RAB2B: variants seen among roughly 807,000 people sequenced by gnomAD.
RAB2B encodes RAB2B, member RAS oncogene family.
Under a neutral mutation model 29.8 loss-of-function variants are expected in RAB2B, and 20 were observed. The observed-to-expected ratio is 0.67, with a 90% CI of 0.47 to 0.97. The LOEUF (loss-of-function observed/expected upper bound fraction) is 0.97. Among genes scored for constraint, RAB2B ranks in the 50% least tolerant of loss-of-function variants. RAB2B has a pLI of 0.00. For synonymous variants in RAB2B, 93 were observed against 91.7 expected, an observed-to-expected ratio of 1.01 and a Z score of -0.08; for missense variants, 218 against 272.0, an observed-to-expected ratio of 0.80 and a Z score of 1.40.
At chr14:21,472,261 TAC>T (rs529908925) in intron 3 of RAB2B, among the ~76,000 whole-genome samples, 1 of 151,932 alleles carries the variant, frequency 6.6e-6, no homozygotes, top group African/African-American at 2.4e-5. Context: ...AATACGTGTA[TAC>T]ACACACACAC....
intron 2 of RAB2B, 94 bp downstream of exon 2, chr14:21,476,434 T>C (rs773855534): frequency 1.6e-4 from 234 of 1,479,280 alleles, no homozygotes; most frequent in Non-Finnish European, 2.1e-4. Context: ...GGGGTAACTT[T>C]TTACTTCGAA....
chr14:21,462,190 T>G (rs1005614480), intron 7 of RAB2B, among the ~76,000 whole-genome samples, 160 bp downstream of exon 7: 8 of 147,094 alleles, frequency 5.4e-5, no homozygotes, highest in Non-Finnish European at 7.4e-5. Flanking sequence ...CAGGTCTCTG[T>G]GTACCTAGAT....
chr14:21,476,478 T>C (rs1262014962), intron 2 of RAB2B, 50 bp downstream of exon 2: 3 of 1,607,614 alleles, frequency 1.9e-6, no homozygotes, highest in African/African-American at 2.7e-5. Flanking sequence ...CTTTAGCAAT[T>C]TAGCTAGTCA....
At chr14:21,471,176 T>TA (rs11300913) in intron 3 of RAB2B, among the ~76,000 whole-genome samples, 28 of 143,930 alleles carry the variant, frequency 1.9e-4, no homozygotes, top group African/African-American at 5.9e-4. Context: ...CTGTCTAAAT[T>TA]AAAAAAAAAA....
At position 21,462,090 on chromosome 14, in the gene RAB2B, A is replaced by G. The variant is rs1328726445; in HGVS notation, c.543+260T>C. 2.0e-5 allele frequency among the ~76,000 whole-genome samples: 3 copies of G among 152,312 alleles called. No homozygotes were observed. The East Asian group carries it at 5.8e-4, about 29-fold the overall frequency. On this transcript the variant is annotated intron_variant, in intron 7 of 7. Coordinates refer to ENST00000397762, the MANE Select transcript of RAB2B (RefSeq NM_032846.4). Reference sequence around the variant, plus strand: ...TAGTAAAAAACTGAGGTTGACAAGAAAATCTCCCATATTGTGTAAGTCTTT... The same window carrying G: ...TAGTAAAAAACTGAGGTTGACAAGAGAATCTCCCATATTGTGTAAGTCTTT...
At position 21,463,641 on chromosome 14, in the gene RAB2B, T is replaced by C. The variant is rs773848798; in HGVS notation, c.474+15A>G. The C allele has an allele frequency of 2.3e-5, 36 of 1,535,502 alleles. No homozygotes were observed. Among genetic ancestry groups the C allele is most frequent in the Admixed American group, 3.4e-5 (2 of 59,562 alleles). On this transcript the variant is annotated intron_variant, in intron 6 of 7. Transcript: ENST00000397762. The stretch of plus-strand genomic sequence containing the variant: ...AATCTCTAAAGAGCTTTCCCCACTG[T>C]TTTCCAAATAGTACCTCTTCAACAT...
At chr14:21,474,336 T>C (rs1890894640) in intron 3 of RAB2B, among the ~76,000 whole-genome samples, 1 of 152,228 alleles carries the variant, frequency 6.6e-6, no homozygotes, top group Non-Finnish European at 1.5e-5. Context: ...GACAGATCTA[T>C]ATGTATTGAT....
chr14:21,461,325 A>G, intron 7 of RAB2B, 22 bp from the exon 8 acceptor site: 1 of 1,547,070 alleles, frequency 6.5e-7, no homozygotes, highest in Non-Finnish European at 8.9e-7. Flanking sequence ...AAGAGGCAAT[A>G]GTTCCCACCT....
At chr14:21,472,494 G>A (rs1890842269) in intron 3 of RAB2B, among the ~76,000 whole-genome samples, 2 of 152,230 alleles carry the variant, frequency 1.3e-5, no homozygotes, top group South Asian at 2.1e-4. Context: ...ACGGAGAAAT[G>A]ACCAGACTTA....
chr14:21,463,785 A>G lies in RAB2B; in HGVS notation c.363-18T>C, dbSNP rs745850767. 2.0e-6 allele frequency: 3 copies of G among 1,481,678 alleles called. No individual in the cohort carries two copies. The highest frequency in any genetic ancestry group is 4.5e-5 in the East Asian group (2 of 44,310). The allele number at this position is 1,481,678 out of a possible 1,614,324, so 91.8% of individuals were successfully genotyped here. ...CTAGGTCACTGCAAGAGATTAATTA[A>G]GGAGAAAATTTAAAAAAAAGATCCA... is the stretch of plus-strand genomic sequence containing the variant. On this transcript the variant is annotated intron_variant, in intron 5 of 7. Transcript: ENST00000397762.
intron 2 of RAB2B, among the ~76,000 whole-genome samples, chr14:21,475,430 C>CTTTT (rs11408746): frequency 7.7e-5 from 10 of 129,524 alleles, no homozygotes; most frequent in Non-Finnish European, 1.1e-4. Context: ...AGAAACAATA[C>CTTTT]TTTTTTTTTT....
intron 7 of RAB2B, 103 bp downstream of exon 7, chr14:21,462,247 T>C: frequency 1.1e-6 from 1 of 894,598 alleles, no homozygotes; most frequent in Non-Finnish European, 1.6e-6. Context: ...GCTTTTAAAT[T>C]GTATAATGAT....
intron 5 of RAB2B, among the ~76,000 whole-genome samples, chr14:21,465,762 A>C (rs1469192112): frequency 6.6e-6 from 1 of 152,216 alleles, no homozygotes; most frequent in Non-Finnish European, 1.5e-5. Flanking sequence ...CTAAGGTGCT[A>C]TAAAATCTGG....
At chr14:21,476,768 C>A (rs1890985477) in intron 1 of RAB2B, 59 bp downstream of exon 1, 1 of 1,606,144 alleles carries the variant, frequency 6.2e-7, no homozygotes, top group Non-Finnish European at 8.5e-7. Context: ...CCCCCGCCAC[C>A]CAATTTGGGA....
intron 3 of RAB2B, among the ~76,000 whole-genome samples, chr14:21,471,559 A>G (rs1456920239): frequency 6.6e-6 from 1 of 151,508 alleles, no homozygotes; most frequent in Non-Finnish European, 1.5e-5. Flanking sequence ...TTGAGGGTGC[A>G]ATGAGTGGAG....
rs561182831 is a variant in RAB2B, at chr14:21,460,241, G to C, written c.*955C>G. On this transcript the variant is annotated 3_prime_UTR_variant, in exon 8 of 8. Coordinates refer to ENST00000397762, the MANE Select transcript of RAB2B (RefSeq NM_032846.4). ...CTAGGTAATTGCAAGTGTTCAAATA[G>C]AATGTCTTTGACCCTAATTCTTAGT... The C allele has an allele frequency of 1.9e-6, 1 of 518,806 alleles. No homozygotes were observed. The highest frequency in any genetic ancestry group is 5.5e-5 in the East Asian group (1 of 18,348). The allele number at this position is 518,806 out of a possible 1,614,324, so 32.1% of individuals were successfully genotyped here. A position where few individuals can be genotyped will look rare whatever the true frequency, so the allele number is the denominator to read the frequency against.
intron 2 of RAB2B, 103 bp from the exon 3 acceptor site, chr14:21,475,037 C>A: frequency 1.2e-6 from 1 of 860,236 alleles, no homozygotes; most frequent in Non-Finnish European, 1.9e-6. Flanking sequence ...CATCCTTTGT[C>A]TGAACTCAAT....
rs1408085275 is a variant in RAB2B at position 21,459,522 on chromosome 14, A to G, written c.*1674T>C. ...AGGAATGATAGGGGGAATAATTTAT[A>G]AAAATAAAGGAATGACATGGATCCT... On this transcript the variant is annotated 3_prime_UTR_variant, in exon 8 of 8. Transcript: ENST00000397762. The G allele has an allele frequency of 6.6e-6, 1 of 152,230 alleles. No individual in the cohort carries two copies. The highest frequency in any genetic ancestry group is 1.5e-5 in the Non-Finnish European group (1 of 68,052). The allele number at this position is 152,230 out of a possible 1,614,324, so 9.4% of individuals were successfully genotyped here. A position where few individuals can be genotyped will look rare whatever the true frequency, so the allele number is the denominator to read the frequency against.
intron 3 of RAB2B, among the ~76,000 whole-genome samples, chr14:21,469,228 A>G (rs2139600835): frequency 6.6e-6 from 1 of 152,294 alleles, no homozygotes; most frequent in Non-Finnish European, 1.5e-5. Context: ...TGTAAAAAGG[A>G]AAGTTATCTT....
Sources: allele counts gnomAD v4.1 joint callset (sites outside exome capture counted in the v4.1 genomes callset), GRCh38; gene constraint gnomAD v4.1.1; transcripts MANE v1.5; gene names NCBI Gene and HGNC (gene_info 2026-07-23, HGNC 2026-07-21).